Variants in PC observed in about 807,000 individuals in gnomAD.
PC encodes the protein pyruvate carboxylase, mitochondrial.
A neutral mutation model predicts 107.8 loss-of-function variants in PC; 46 were observed. The observed-to-expected ratio is 0.43, with a 90% confidence interval of 0.34 to 0.55. The LOEUF is 0.55. PC is among the 20% of genes least tolerant of loss of function. The probability of loss-of-function intolerance (pLI) is 0.04; values close to 1 mark genes in which losing one functional copy is unlikely to be tolerated. For missense variants in PC, 1,241 were observed against 1,643.1 expected (o/e 0.76, Z 4.23); for synonymous variants, 662 against 684.7 (o/e 0.97, Z 0.52).
At chr11:66,950,171 C>T (rs1949403661) in intron 3 of PC, among the ~76,000 whole-genome samples, 1 of 152,206 alleles carries the variant, frequency 6.6e-6, no homozygotes, top group Admixed American at 6.6e-5. Flanking sequence ...TTCATAGTAA[C>T]TGCAGCACTC....
At chr11:66,884,509 C>T (rs1004886303) in intron 3 of PC, among the ~76,000 whole-genome samples, 18 of 152,146 alleles carry the variant, frequency 1.2e-4, no homozygotes, top group African/African-American at 4.3e-4. Flanking sequence ...CTCCTGGGAA[C>T]AGCACACACA....
intron 3 of PC, among the ~76,000 whole-genome samples, chr11:66,873,463 T>TTATATATAATATAATATATAATATTA (rs1946835936): frequency 4.8e-5 from 4 of 83,354 alleles, no homozygotes; most frequent in African/African-American, 2.0e-4. Flanking sequence ...AAAATATATA[T>TTATATATAATATAATATATAATATTA]TATATATAAT....
At chr11:66,919,316 T>C (rs1948539826) in intron 3 of PC, among the ~76,000 whole-genome samples, 1 of 152,154 alleles carries the variant, frequency 6.6e-6, no homozygotes, top group Non-Finnish European at 1.5e-5. Flanking sequence ...CTCGGGAGGC[T>C]GAGGCATGAG....
intron 11 of PC, among the ~76,000 whole-genome samples, chr11:66,864,547 C>T (rs964214802): frequency 1.3e-5 from 2 of 152,204 alleles, no homozygotes; most frequent in African/African-American, 4.8e-5. Flanking sequence ...CTTTCCTTTC[C>T]TTTCCTTCCA....
At chr11:66,953,658 G>A (rs923022871) in intron 2 of PC, among the ~76,000 whole-genome samples, 1 of 152,152 alleles carries the variant, frequency 6.6e-6, no homozygotes, top group Non-Finnish European at 1.5e-5. Flanking sequence ...GGGCACTCAA[G>A]TCAATAAAAT....
chr11:66,849,868 C>G lies in PC; in HGVS notation c.2899-9G>C, dbSNP rs372755874. ...GGCAGGTCCTTCAGTACCTGGGGAG[C>G]AAAGCAGAGGATCAGTCCCAAGTCC... On this transcript the variant is annotated splice_polypyrimidine_tract_variant and intron_variant, in intron 20 of 22. Transcript: ENST00000393960. 3.7e-6 allele frequency: 6 copies of G among 1,613,672 alleles called. No homozygotes were observed. The highest frequency in any genetic ancestry group is 1.7e-5 in the Admixed American group (1 of 60,026).
At chr11:66,954,807 AG>A (rs1949519664) in intron 1 of PC, among the ~76,000 whole-genome samples, 1 of 152,062 alleles carries the variant, frequency 6.6e-6, no homozygotes, top group Non-Finnish European at 1.5e-5. Context: ...AGCCAGGCAA[AG>A]GGTTGGTGCC....
intron 21 of PC, 118 bp from the exon 22 acceptor site, chr11:66,849,488 T>C: frequency 6.2e-7 from 1 of 1,603,336 alleles, no homozygotes; most frequent in Middle Eastern, 1.7e-4. Flanking sequence ...AAGGCCTAGC[T>C]CCCGGTCTCA....
intron 3 of PC, among the ~76,000 whole-genome samples, chr11:66,941,500 C>CT (rs936085291): frequency 4.6e-5 from 7 of 151,306 alleles, no homozygotes; most frequent in Non-Finnish European, 8.9e-5. Flanking sequence ...TCAGCCTTTT[C>CT]TTTTTTTTTG....
chr11:66,880,704 G>A (rs1370445261), intron 3 of PC, among the ~76,000 whole-genome samples: 1 of 152,226 alleles, frequency 6.6e-6, no homozygotes, highest in African/African-American at 2.4e-5. Context: ...TCACAGCACG[G>A]CACAGAATAG....
chr11:66,957,064 T>C (rs1487405023), intron 1 of PC, among the ~76,000 whole-genome samples: 2 of 152,210 alleles, frequency 1.3e-5, no homozygotes, highest in African/African-American at 4.8e-5. Context: ...CAGGAAGCTG[T>C]AGCTGCAAGT....
chr11:66,854,208 C>G (rs895020906), intron 12 of PC, among the ~76,000 whole-genome samples: 2 of 152,272 alleles, frequency 1.3e-5, no homozygotes, highest in Admixed American at 6.5e-5. Context: ...ACACCCTCCA[C>G]CGCCTTCCTC....
intron 3 of PC, among the ~76,000 whole-genome samples, chr11:66,905,667 G>A (rs576431613): frequency 1.2e-4 from 18 of 152,272 alleles, no homozygotes; most frequent in Non-Finnish European, 2.5e-4. Context: ...ATTTTGGAAG[G>A]TCAGAAGCAC....
chr11:66,890,056 T>C (rs1326462668), intron 3 of PC, among the ~76,000 whole-genome samples: 1 of 152,234 alleles, frequency 6.6e-6, no homozygotes, highest in Non-Finnish European at 1.5e-5. Flanking sequence ...TGAATGTTTG[T>C]GTCCACACCA....
intron 3 of PC, chr11:66,908,047 A>C (rs1948220417): frequency 6.6e-6 from 1 of 152,276 alleles, no homozygotes; most frequent in African/African-American, 2.4e-5. Context: ...AAGGATAAAA[A>C]AACAAACACT....
chr11:66,871,704 T>C lies in PC; in HGVS notation c.304A>G (p.Ile102Val), dbSNP rs1356084104. The stretch of plus-strand genomic sequence containing the variant: ...GGGCTCACCTTGGCCACCTTGATGA[T>C]GTCTGGGATGTGCAGGTAGGCCTGC... ...PVQAYLHIPD[I>V]IKVAKENNVD... Residue 102 changes from isoleucine (I) to valine (V), a missense_variant, in exon 5 of 23, where the codon ATC (isoleucine) becomes GTC (valine). Coordinates refer to ENST00000393960, the MANE Select transcript of PC (RefSeq NM_001040716.2). This position sits in a 1 kb window ranked among gnomAD's most constrained non-coding sequence, Gnocchi z 7.4. The C allele has an allele frequency of 3.8e-6, 6 of 1,568,516 alleles. No individual in the cohort carries two copies. In the South Asian group the frequency reaches 5.8e-5, roughly 15 times the overall value.
chr11:66,930,716 TG>T (rs1948824921), intron 3 of PC, among the ~76,000 whole-genome samples: 2 of 134,702 alleles, frequency 1.5e-5, no homozygotes, highest in African/African-American at 5.7e-5. Flanking sequence ...CACTTCAGCC[TG>T]GGCGACAGAG....
In PC at chr11:66,900,320, G is replaced by A. The variant is rs146847466; in HGVS notation, c.1-28161C>T. Among the ~76,000 whole-genome samples, 44 of 151,634 alleles carry A rather than the reference G, an allele frequency of 2.9e-4. No individual in the cohort carries two copies. The East Asian group carries it at 6.4e-3, about 22-fold the overall frequency. On this transcript the variant is annotated intron_variant, in intron 3 of 22. Transcript: ENST00000393960. Reference sequence around the variant, plus strand: ...CTCCCAACTAGCTGGGACTACAGGCGCCCACCACCACGCCCGACTAATTTT... The same window carrying A: ...CTCCCAACTAGCTGGGACTACAGGCACCCACCACCACGCCCGACTAATTTT...
chr11:66,850,640 GA>G (rs753959725), intron 18 of PC, 33 bp downstream of exon 18: 3 of 1,604,106 alleles, frequency 1.9e-6, no homozygotes, highest in Non-Finnish European at 2.5e-6. Context: ...GCGGCTTTGA[GA>G]GGGGTGTGGC....
Sources: allele counts gnomAD v4.1 joint callset (sites outside exome capture counted in the v4.1 genomes callset), GRCh38; gene constraint gnomAD v4.1.1; non-coding constraint Gnocchi (gnomAD v3.1); transcripts MANE v1.5; gene names NCBI Gene and HGNC (gene_info 2026-07-23, HGNC 2026-07-21).